Variants in SHLD2 observed in about 807,000 individuals in gnomAD.
The protein encoded by SHLD2 is shieldin complex subunit 2.
A neutral mutation model predicts 73.2 loss-of-function variants in SHLD2; 30 were observed. The ratio of observed to expected loss-of-function variants is 0.41; its 90% CI spans 0.31 to 0.56. SHLD2 has a LOEUF of 0.56. SHLD2 is among the 20% of genes least tolerant of loss of function. SHLD2 has a pLI of 0.28. For missense variants in SHLD2, 745 were observed against 1,055.9 expected, an observed-to-expected ratio of 0.71 and a Z score of 4.08; for synonymous variants, 285 against 370.1, an observed-to-expected ratio of 0.77 and a Z score of 2.64.
rs191406002 is a variant in SHLD2, at chr10:87,112,421, T to G, written c.-6+15432T>G. 1.1e-4 allele frequency among the ~76,000 whole-genome samples: 16 copies of G among 152,142 alleles called. No homozygotes were observed. In the East Asian group the frequency reaches 2.7e-3, roughly 26 times the overall value. On this transcript the variant is annotated intron_variant, in intron 2 of 9. Transcript: ENST00000298786. The stretch of plus-strand genomic sequence containing the variant: ...GCTCATTGCCTATAATCCCAGCACT[T>G]TGAGAGACTAAGTCAGGAAGATCAC...
chr10:87,103,463 C>T (rs1264446395), intron 2 of SHLD2, among the ~76,000 whole-genome samples: 2 of 152,156 alleles, frequency 1.3e-5, no homozygotes, highest in Non-Finnish European at 2.9e-5. Context: ...TTGGCTTAAA[C>T]AGCACTTTGG....
chr10:87,116,949 G>A (rs184048864), intron 2 of SHLD2, among the ~76,000 whole-genome samples: 1 of 152,320 alleles, frequency 6.6e-6, no homozygotes, highest in Admixed American at 6.5e-5. Flanking sequence ...AAACCAGAAG[G>A]TGGCTGCTGG....
chr10:87,132,785 G>A (rs1359397727), intron 2 of SHLD2, among the ~76,000 whole-genome samples: 1 of 150,976 alleles, frequency 6.6e-6, no homozygotes, highest in Admixed American at 6.6e-5. Flanking sequence ...AAAACAAAAC[G>A]AAACAAAACA....
At chr10:87,148,026 T>G (rs1415855064) in intron 2 of SHLD2, among the ~76,000 whole-genome samples, 1 of 151,982 alleles carries the variant, frequency 6.6e-6, no homozygotes, top group Non-Finnish European at 1.5e-5. Flanking sequence ...CCTGGCTAAT[T>G]TTCGTATTTT....
chr10:87,111,063 C>T (rs184760169), intron 2 of SHLD2, among the ~76,000 whole-genome samples: 1,688 of 152,160 alleles, frequency 0.011, 21 homozygotes, highest in Admixed American at 0.019. Context: ...AGGCTGGTCT[C>T]GAACTCCTGA....
At chr10:87,155,626 G>C (rs1334350767) in intron 3 of SHLD2, among the ~76,000 whole-genome samples, 1 of 151,532 alleles carries the variant, frequency 6.6e-6, no homozygotes, top group Non-Finnish European at 1.5e-5. Flanking sequence ...AAGAGGGCTG[G>C]ATCCTGGACC....
chr10:87,136,637 T>C (rs188257892), intron 2 of SHLD2, among the ~76,000 whole-genome samples: 86 of 152,294 alleles, frequency 5.6e-4, no homozygotes, highest in African/African-American at 2.0e-3. Flanking sequence ...TCGGTTCCAG[T>C]TGAATCACTA....
At chr10:87,094,851 C>G (rs192909203), upstream of SHLD2, 1 of 1,148,084 alleles carries the variant, frequency 8.7e-7, no homozygotes, top group East Asian at 3.2e-5. The surrounding 1 kb of genome is among the most constrained non-coding windows in gnomAD (Gnocchi z 6.6). Flanking sequence ...GAGGAAGGGT[C>G]CCGCGCGGGT....
chr10:87,184,658 G>A (rs1848506197), intron 8 of SHLD2, among the ~76,000 whole-genome samples: 1 of 152,020 alleles, frequency 6.6e-6, no homozygotes. Context: ...AGTCTCATCT[G>A]CTGCCACTCC....
intron 6 of SHLD2, among the ~76,000 whole-genome samples, chr10:87,174,938 A>AC (rs1847848403): frequency 6.6e-6 from 1 of 151,494 alleles, no homozygotes; most frequent in Non-Finnish European, 1.5e-5. Context: ...ACACGGTGAA[A>AC]CCCCGTCTCT....
At chr10:87,103,088 T>C (rs1401005447) in intron 2 of SHLD2, among the ~76,000 whole-genome samples, 2 of 151,952 alleles carry the variant, frequency 1.3e-5, no homozygotes, top group Non-Finnish European at 2.9e-5. Context: ...TGCACGCCTG[T>C]AGTCCCAGCT....
intron 2 of SHLD2, among the ~76,000 whole-genome samples, chr10:87,143,856 T>C (rs1389435094): frequency 2.9e-5 from 3 of 104,824 alleles, no homozygotes; most frequent in Non-Finnish European, 5.7e-5. Flanking sequence ...ATTCTTTTTA[T>C]TCTTTCTTTT....
chr10:87,160,784 G>A (rs542706958), intron 4 of SHLD2, among the ~76,000 whole-genome samples: 38 of 152,176 alleles, frequency 2.5e-4, no homozygotes, highest in African/African-American at 9.1e-4. Context: ...GAGGCCAGGA[G>A]TTTGGGACCA....
intron 4 of SHLD2, among the ~76,000 whole-genome samples, chr10:87,164,897 G>C (rs1564607291): frequency 6.6e-6 from 1 of 151,898 alleles, no homozygotes; most frequent in South Asian, 2.1e-4. Context: ...AAAAAATAGA[G>C]AATTACTGGC....
intron 8 of SHLD2, among the ~76,000 whole-genome samples, chr10:87,181,023 A>G (rs1848271340): frequency 6.6e-6 from 1 of 152,092 alleles, no homozygotes; most frequent in South Asian, 2.1e-4. Flanking sequence ...TGTTTGTTAT[A>G]AATAAGTGAA....
rs778218655 is a variant in SHLD2 at position 87,132,732 on chromosome 10, GCA to G, written c.-5-18616_-5-18615del. 2.6e-5 allele frequency among the ~76,000 whole-genome samples: 4 copies of G among 152,100 alleles called. No homozygotes were observed. The East Asian group carries it at 7.7e-4, about 29-fold the overall frequency. ...AAGGCTGTGGTGAGCCGAGATCGTA[GCA>G]CTGCACTCCAGCCTGGGCAACAGGA... On this transcript the variant is annotated intron_variant, in intron 2 of 9. Coordinates refer to ENST00000298786, the MANE Select transcript of SHLD2 (RefSeq NM_001330112.2).
intron 6 of SHLD2, among the ~76,000 whole-genome samples, chr10:87,174,137 TG>T (rs1299112644): frequency 6.6e-6 from 1 of 151,824 alleles, no homozygotes; most frequent in Non-Finnish European, 1.5e-5. Flanking sequence ...GGGTTTATCA[TG>T]GTATCATGTA....
chr10:87,164,209 T>C (rs1163233368), intron 4 of SHLD2, among the ~76,000 whole-genome samples: 1 of 152,086 alleles, frequency 6.6e-6, no homozygotes, highest in African/African-American at 2.4e-5. Context: ...CTGCCCACTT[T>C]GGCCTCCCAA....
chr10:87,138,481 A>G (rs1285221616), intron 2 of SHLD2, among the ~76,000 whole-genome samples: 5 of 152,224 alleles, frequency 3.3e-5, no homozygotes, highest in Non-Finnish European at 7.3e-5. Flanking sequence ...AAGGGAAAGA[A>G]TTTGTTTCCA....
Sources: allele counts gnomAD v4.1 joint callset (sites outside exome capture counted in the v4.1 genomes callset), GRCh38; gene constraint gnomAD v4.1.1; non-coding constraint Gnocchi (gnomAD v3.1); transcripts MANE v1.5; gene names NCBI Gene and HGNC (gene_info 2026-07-23, HGNC 2026-07-21).